TIPARP: variants seen among roughly 807,000 people sequenced by gnomAD.
The protein encoded by TIPARP is TCDD inducible poly(ADP-ribose) polymerase, also known as protein mono-ADP-ribosyltransferase TIPARP.
A neutral mutation model predicts 56.5 loss-of-function variants in TIPARP; 12 were observed. The ratio of observed to expected loss-of-function variants is 0.21; its 90% CI spans 0.14 to 0.34. TIPARP has a LOEUF of 0.34. Among genes scored for constraint, TIPARP ranks in the 10% least tolerant of loss-of-function variants. The pLI, the probability that TIPARP is intolerant of heterozygous loss-of-function variation, is 1.00. For synonymous variants in TIPARP, 296 were observed against 265.7 expected (o/e 1.11, Z -1.11); for missense variants, 604 against 781.6 (o/e 0.77, Z 2.71).
At chr3:156,674,940 T>C (rs1335230107) in intron 1 of TIPARP, 144 bp downstream of exon 1, 1 of 152,480 alleles carries the variant, frequency 6.6e-6, no homozygotes, top group African/African-American at 2.4e-5. Flanking sequence ...ATTTTGAGAC[T>C]GCCCTTTGTA....
intron 2 of TIPARP, among the ~76,000 whole-genome samples, chr3:156,687,142 GT>G (rs1278950708): frequency 2.0e-5 from 3 of 152,274 alleles, no homozygotes; most frequent in African/African-American, 7.2e-5. Context: ...TATCCCAGCT[GT>G]TCTTACAGAA....
Position 156,677,970 on chromosome 3 carries a change from G to A in TIPARP, c.273G>A (p.Lys91=), listed in dbSNP as rs1484827699. The part of the protein sequence containing the change: ...DENSLHEPMM[K]KAMEINSSCP... Reference sequence around the variant, plus strand: ...ACAGCTTACATGAACCTATGATGAAGAAAGCCATGGAAATCAATTCATCAT... The same window carrying A: ...ACAGCTTACATGAACCTATGATGAAAAAAGCCATGGAAATCAATTCATCAT... Residue 91 remains lysine, a synonymous_variant, in exon 2 of 6, where the codon AAG becomes AAA. Coordinates refer to ENST00000295924, the MANE Select transcript of TIPARP (RefSeq NM_015508.5). The A allele has an allele frequency of 6.2e-7, 1 of 1,613,966 alleles. No individual in the cohort carries two copies. The highest frequency in any genetic ancestry group is 8.5e-7 in the Non-Finnish European group (1 of 1,180,038).
At chr3:156,681,749 C>T (rs1486803617) in intron 2 of TIPARP, among the ~76,000 whole-genome samples, 1 of 152,106 alleles carries the variant, frequency 6.6e-6, no homozygotes, top group Non-Finnish European at 1.5e-5. Flanking sequence ...TGTAATCCCA[C>T]TTTGCTTTCT....
intron 2 of TIPARP, among the ~76,000 whole-genome samples, chr3:156,685,398 AC>A (rs1722406330): frequency 1.3e-5 from 2 of 152,244 alleles, no homozygotes; most frequent in South Asian, 4.1e-4. Context: ...TGCTAGAGCA[AC>A]TATTCCTTTT....
chr3:156,681,073 A>G (rs1722290199), intron 2 of TIPARP: 2 of 449,970 alleles, frequency 4.4e-6, no homozygotes, highest in Non-Finnish European at 9.0e-6. Context: ...ACTTGTGGTC[A>G]TTGCAACCTG....
chr3:156,699,397 A>G (rs1426277816), intron 4 of TIPARP, among the ~76,000 whole-genome samples: 3 of 152,222 alleles, frequency 2.0e-5, no homozygotes, highest in Admixed American at 2.0e-4. Flanking sequence ...AACCTTCAGC[A>G]ATCACCACCC....
intron 2 of TIPARP, among the ~76,000 whole-genome samples, chr3:156,686,121 C>G (rs1248549124): frequency 6.6e-6 from 1 of 152,130 alleles, no homozygotes; most frequent in African/African-American, 2.4e-5. Context: ...GTATGTGAAA[C>G]AGAGTCAGGG....
chr3:156,706,167 CTACT>C lies in TIPARP; in HGVS notation c.*1043_*1046del, dbSNP rs997929741. The C allele has an allele frequency of 3.3e-5, 5 of 152,652 alleles. No homozygotes were observed. The highest frequency in any genetic ancestry group is 1.9e-4 in the East Asian group (1 of 5,204). The allele number at this position is 152,652 out of a possible 1,614,324, so 9.5% of individuals were successfully genotyped here. On this transcript the variant is annotated 3_prime_UTR_variant, in exon 6 of 6. Transcript: ENST00000295924. ...TGGCTGACTCTGTACCTTACTTACA[CTACT>C]TACTTAATAGAAACACAAACTTGGA...
intron 3 of TIPARP, 71 bp from the exon 4 acceptor site, chr3:156,695,790 GTTAA>G (rs1722696728): frequency 5.5e-6 from 8 of 1,453,776 alleles, no homozygotes; most frequent in Middle Eastern, 1.9e-4. Context: ...TTTGCCTTTG[GTTAA>G]TTTTCATTTT....
chr3:156,685,534 G>T (rs750683359), intron 2 of TIPARP, among the ~76,000 whole-genome samples: 1 of 152,208 alleles, frequency 6.6e-6, no homozygotes, highest in Non-Finnish European at 1.5e-5. Context: ...TATTCTTCAT[G>T]CAAATTGAAG....
chr3:156,675,082 C>G (rs1722080886), intron 1 of TIPARP: 1 of 152,300 alleles, frequency 6.6e-6, no homozygotes, highest in South Asian at 2.1e-4. Context: ...GGCGCCTGCC[C>G]CTTCCCCGTT....
At chr3:156,676,452 T>A (rs1722128942) in intron 1 of TIPARP, among the ~76,000 whole-genome samples, 1 of 152,224 alleles carries the variant, frequency 6.6e-6, no homozygotes, top group African/African-American at 2.4e-5. Flanking sequence ...CTTTTGTTGT[T>A]GACCCACAAA....
intron 4 of TIPARP, 81 bp downstream of exon 4, chr3:156,696,106 T>G (rs1298509806): frequency 6.8e-7 from 1 of 1,480,072 alleles, no homozygotes; most frequent in African/African-American, 1.4e-5. Context: ...AAAAAATAAA[T>G]AAGAGTCTAC....
intron 3 of TIPARP, among the ~76,000 whole-genome samples, chr3:156,695,096 G>T (rs922829566): frequency 1.3e-5 from 2 of 151,980 alleles, no homozygotes; most frequent in African/African-American, 4.8e-5. Context: ...AGAATACAAG[G>T]CTGTTTAAAA....
At chr3:156,686,139 T>C (rs1722422500) in intron 2 of TIPARP, among the ~76,000 whole-genome samples, 1 of 152,184 alleles carries the variant, frequency 6.6e-6, no homozygotes, top group Non-Finnish European at 1.5e-5. Flanking sequence ...GGGTAAAGTA[T>C]GTGAAACAGA....
intron 2 of TIPARP, among the ~76,000 whole-genome samples, chr3:156,689,301 G>A (rs756723136): frequency 4.6e-5 from 7 of 151,894 alleles, no homozygotes; most frequent in South Asian, 2.1e-4. Flanking sequence ...TCTGCCCCAC[G>A]TGTAATTATC....
chr3:156,690,254 T>C (rs1428952545), intron 2 of TIPARP, among the ~76,000 whole-genome samples: 1 of 152,178 alleles, frequency 6.6e-6, no homozygotes, highest in Non-Finnish European at 1.5e-5. Flanking sequence ...TTTTTAGTTT[T>C]GGTTTGCATT....
At chr3:156,678,845 G>T (rs924971014) in intron 2 of TIPARP, among the ~76,000 whole-genome samples, 27 of 152,266 alleles carry the variant, frequency 1.8e-4, no homozygotes, top group African/African-American at 6.5e-4. Flanking sequence ...AGTTCAACGT[G>T]CGTGTGACTG....
At position 156,694,089 on chromosome 3, in the gene TIPARP, A is replaced by C. The variant is rs1309757264; in HGVS notation, c.987A>C (p.Arg329=). ...AAACAACTGAATTTGACCAACTACG[A>C]AGGCTGTCCACACCACCCTCTAGCA... ...VYETTEFDQL[R]RLSTPPSSNV... Residue 329 remains arginine (R), a synonymous_variant, in exon 3 of 6, where the codon CGA becomes CGC. Transcript: ENST00000295924. The C allele has an allele frequency of 4.3e-6, 7 of 1,613,496 alleles. No individual in the cohort carries two copies. Among genetic ancestry groups the C allele is most frequent in the Non-Finnish European group, 5.9e-6 (7 of 1,179,752 alleles).
Sources: gnomAD v4.1 joint callset for allele counts (sites outside exome capture counted in the v4.1 genomes callset) on GRCh38, gnomAD v4.1.1 for gene constraint, MANE v1.5 for transcripts, NCBI Gene and HGNC (gene_info 2026-07-23, HGNC 2026-07-21) for gene names.